The following PRMT3 variants were observed in gnomAD, a reference collection of about 807,000 sequenced individuals.
PRMT3 encodes protein arginine methyltransferase 3.
In PRMT3, 62 loss-of-function variants were observed where a neutral mutation model predicts 71.9. The ratio of observed to expected loss-of-function variants is 0.86; its 90% CI spans 0.70 to 1.07. PRMT3 has a LOEUF of 1.07. Among genes scored for constraint, PRMT3 ranks in the 50% least tolerant of loss-of-function variants. The probability of loss-of-function intolerance (pLI) is 0.00; values close to 1 mark genes in which losing one functional copy is unlikely to be tolerated. For synonymous variants in PRMT3, 213 were observed against 220.4 expected, an observed-to-expected ratio of 0.97 and a Z score of 0.30; for missense variants, 663 against 643.0, an observed-to-expected ratio of 1.03 and a Z score of -0.34.
At chr11:20,442,317 A>G (rs192909468) in intron 10 of PRMT3, among the ~76,000 whole-genome samples, 2 of 149,968 alleles carry the variant, frequency 1.3e-5, no homozygotes, top group Non-Finnish European at 3.0e-5. Flanking sequence ...TTTGGGGAGG[A>G]TTGCTTCTTT....
At chr11:20,412,346 T>G (rs1026102620) in intron 9 of PRMT3, among the ~76,000 whole-genome samples, 1 of 152,124 alleles carries the variant, frequency 6.6e-6, no homozygotes, top group East Asian at 1.9e-4. Context: ...TGCAAAAATA[T>G]GAATTTTTAA....
chr11:20,488,397 A>G (rs138564601), intron 13 of PRMT3, among the ~76,000 whole-genome samples: 1 of 152,200 alleles, frequency 6.6e-6, no homozygotes, highest in Non-Finnish European at 1.5e-5. Flanking sequence ...CTTGCTTCAG[A>G]CTCATCAGTT....
intron 7 of PRMT3, among the ~76,000 whole-genome samples, chr11:20,400,845 TA>T (rs556104900): frequency 5.9e-5 from 9 of 151,574 alleles, no homozygotes; most frequent in Non-Finnish European, 1.2e-4. Flanking sequence ...AAGGTTGATA[TA>T]AAAAAAATTT....
At chr11:20,397,532 G>C (rs1460791761) in intron 6 of PRMT3, 45 bp from the exon 7 acceptor site, 16 of 1,597,942 alleles carry the variant, frequency 1.0e-5, no homozygotes, top group Non-Finnish European at 1.2e-5. Flanking sequence ...CTTTATTCAT[G>C]GTCCAATAAA....
At chr11:20,479,467 T>A (rs572822605) in intron 13 of PRMT3, among the ~76,000 whole-genome samples, 22 of 152,160 alleles carry the variant, frequency 1.4e-4, no homozygotes, top group Non-Finnish European at 3.1e-4. Context: ...AAAGAATTAT[T>A]GAATTATTGA....
intron 13 of PRMT3, among the ~76,000 whole-genome samples, chr11:20,485,319 G>C (rs1851044737): frequency 6.6e-6 from 1 of 152,104 alleles, no homozygotes; most frequent in African/African-American, 2.4e-5. Context: ...AACATATTCA[G>C]AGGTAATCAG....
chr11:20,501,117 T>C (rs1046743520), intron 15 of PRMT3, among the ~76,000 whole-genome samples: 2 of 152,188 alleles, frequency 1.3e-5, no homozygotes, highest in Admixed American at 6.5e-5. Flanking sequence ...TAAATTCCAA[T>C]TTACCCTTCA....
In PRMT3 at chr11:20,397,727, A is replaced by G. The variant is rs1362927264; in HGVS notation, c.705+6A>G. 2.5e-6 allele frequency: 4 copies of G among 1,613,062 alleles called. No individual in the cohort carries two copies. The South Asian group carries it at 3.3e-5, about 13-fold the overall frequency. ...TACATGAAGAAATGCTAAAGGTTAGAAAAGAACACAAATGCGTCAAATCCA... is the reference window on the plus strand; with the variant it reads ...TACATGAAGAAATGCTAAAGGTTAGGAAAGAACACAAATGCGTCAAATCCA... On this transcript the variant is annotated splice_donor_region_variant and intron_variant, in intron 7 of 15. Coordinates refer to ENST00000331079, the MANE Select transcript of PRMT3 (RefSeq NM_005788.4).
chr11:20,393,479 T>C (rs1378798888), intron 5 of PRMT3, among the ~76,000 whole-genome samples: 1 of 152,212 alleles, frequency 6.6e-6, no homozygotes. Context: ...GGAGCTCTTA[T>C]GTGAGGTTTA....
intron 7 of PRMT3, among the ~76,000 whole-genome samples, chr11:20,398,191 C>T (rs549400214): frequency 1.1e-4 from 17 of 152,058 alleles, no homozygotes; most frequent in South Asian, 6.2e-4. Context: ...TATATATTAC[C>T]TTTTAACGTG....
At chr11:20,498,589 A>T (rs1851387034) in intron 15 of PRMT3, among the ~76,000 whole-genome samples, 1 of 152,050 alleles carries the variant, frequency 6.6e-6, no homozygotes, top group Non-Finnish European at 1.5e-5. Context: ...AATTAGCTGG[A>T]CGTGGTAGCA....
rs568190056 is a variant in PRMT3, at chr11:20,425,456, A to G, written c.894-1310A>G. ...CTGCTTATACACAGATGTTTATACC[A>G]GCTTTATTCATTATGGTCCAAAGCT... On this transcript the variant is annotated intron_variant, in intron 9 of 15. Coordinates refer to ENST00000331079, the MANE Select transcript of PRMT3 (RefSeq NM_005788.4). Among the ~76,000 whole-genome samples, 12 of 152,350 alleles carry G rather than the reference A, an allele frequency of 7.9e-5. 1 individual carries two copies. The East Asian group carries it at 2.1e-3, about 27-fold the overall frequency.
At chr11:20,408,828 T>C (rs922146459) in intron 9 of PRMT3, among the ~76,000 whole-genome samples, 1 of 152,074 alleles carries the variant, frequency 6.6e-6, no homozygotes, top group Admixed American at 6.5e-5. Flanking sequence ...GCATGGTGGC[T>C]CATGTCTGTA....
chr11:20,499,264 C>T (rs1338455834), intron 15 of PRMT3, among the ~76,000 whole-genome samples: 1 of 152,162 alleles, frequency 6.6e-6, no homozygotes, highest in South Asian at 2.1e-4. Context: ...AATTAAACCA[C>T]AAACTATAGC....
In PRMT3 at chr11:20,508,291, C is replaced by G. The variant is rs1161554545; in HGVS notation, c.1487-13C>G. The G allele has an allele frequency of 1.3e-6, 2 of 1,551,514 alleles. No individual in the cohort carries two copies. Among genetic ancestry groups the G allele is most frequent in the African/African-American group, 2.7e-5 (2 of 72,966 alleles). The stretch of plus-strand genomic sequence containing the variant: ...TCCTTGAATTCTTAACAATTTTTGC[C>G]TTTGTTTTACAGGTGAAGCCTTGAA... On this transcript the variant is annotated splice_polypyrimidine_tract_variant and intron_variant, in intron 15 of 15. Coordinates refer to ENST00000331079, the MANE Select transcript of PRMT3 (RefSeq NM_005788.4).
chr11:20,498,800 T>C (rs988720633), intron 15 of PRMT3, among the ~76,000 whole-genome samples: 4 of 152,200 alleles, frequency 2.6e-5, no homozygotes, highest in African/African-American at 9.6e-5. Flanking sequence ...TTTTGAAGTA[T>C]TGAAACTGGC....
At chr11:20,388,776 T>TATTTCCAAACTCACATTCCAAACTCAC (rs1848651481) in intron 2 of PRMT3, among the ~76,000 whole-genome samples, 1 of 152,262 alleles carries the variant, frequency 6.6e-6, no homozygotes, top group Non-Finnish European at 1.5e-5. Flanking sequence ...AAAGCTGTGG[T>TATTTCCAAACTCACATTCCAAACTCAC]GTGCTTATTT....
At chr11:20,466,972 C>A (rs144281857) in intron 13 of PRMT3, among the ~76,000 whole-genome samples, 87 of 152,218 alleles carry the variant, frequency 5.7e-4, no homozygotes, top group African/African-American at 1.9e-3. Flanking sequence ...TTAGTCGCAA[C>A]TTGCCTGAAT....
At chr11:20,452,043 TAA>T in intron 10 of PRMT3, 85 bp from the exon 11 acceptor site, 4 of 906,164 alleles carry the variant, frequency 4.4e-6, no homozygotes, top group Non-Finnish European at 6.5e-6. Flanking sequence ...ATTCTGTAAT[TAA>T]AAGAGTAGCA....
Sources: gnomAD v4.1 joint callset for allele counts (sites outside exome capture counted in the v4.1 genomes callset) on GRCh38, gnomAD v4.1.1 for gene constraint, MANE v1.5 for transcripts, NCBI Gene and HGNC (gene_info 2026-07-23, HGNC 2026-07-21) for gene names.